The following SIPA1L3 variants were observed in gnomAD, a reference collection of about 807,000 sequenced individuals.
SIPA1L3 encodes the protein signal induced proliferation associated 1 like 3, also known as signal-induced proliferation-associated 1-like protein 3.
A neutral mutation model predicts 150.1 loss-of-function variants in SIPA1L3; 59 were observed. The ratio of observed to expected loss-of-function variants is 0.39; its 90% confidence interval spans 0.32 to 0.49. The LOEUF is 0.49. SIPA1L3 is among the 20% of genes least tolerant of loss of function. SIPA1L3 has a pLI of 0.86. For synonymous variants in SIPA1L3, 1,070 were observed against 1,077.6 expected (o/e 0.99, Z 0.14); for missense variants, 2,211 against 2,489.5 (o/e 0.89, Z 2.38).
intron 1 of SIPA1L3, among the ~76,000 whole-genome samples, chr19:38,021,066 G>T (rs1247704539): frequency 3.3e-5 from 5 of 152,162 alleles, no homozygotes; most frequent in African/African-American, 1.2e-4. Flanking sequence ...CTCCCAAAGT[G>T]CTGGGATTAC....
intron 16 of SIPA1L3, among the ~76,000 whole-genome samples, chr19:38,188,100 T>G (rs1370912863): frequency 6.6e-6 from 1 of 152,150 alleles, no homozygotes; most frequent in Admixed American, 6.5e-5. Flanking sequence ...TTGGAGACAG[T>G]GTCTTTGTTA....
chr19:38,194,786 C>G (rs1298363921), intron 18 of SIPA1L3, among the ~76,000 whole-genome samples: 7 of 152,192 alleles, frequency 4.6e-5, no homozygotes, highest in Non-Finnish European at 1.0e-4. Context: ...CGCGGTGGCT[C>G]ACGCCTGTAA....
intron 1 of SIPA1L3, among the ~76,000 whole-genome samples, chr19:37,926,114 G>C (rs1329066627): frequency 2.0e-5 from 3 of 151,424 alleles, no homozygotes; most frequent in Non-Finnish European, 4.4e-5. Context: ...GTTGAATATT[G>C]GCAATTTTAT....
intron 15 of SIPA1L3, among the ~76,000 whole-genome samples, chr19:38,181,459 T>G (rs1388746511): frequency 6.6e-6 from 1 of 151,544 alleles, no homozygotes. Context: ...TAGCGAGACC[T>G]TGTCTCTTTA....
chr19:38,000,626 A>G (rs1215184042), intron 1 of SIPA1L3, among the ~76,000 whole-genome samples: 1 of 145,378 alleles, frequency 6.9e-6, no homozygotes, highest in Non-Finnish European at 1.5e-5. Flanking sequence ...GAAAAATGTT[A>G]TTTTTCACTC....
intron 1 of SIPA1L3, among the ~76,000 whole-genome samples, chr19:37,975,746 G>A (rs1326538193): frequency 6.6e-6 from 1 of 152,188 alleles, no homozygotes; most frequent in South Asian, 2.1e-4. Context: ...GGGACTGCCA[G>A]ACACAGACTT....
intron 1 of SIPA1L3, among the ~76,000 whole-genome samples, chr19:37,937,741 CAAA>C (rs34881450): frequency 0.043 from 798 of 18,672 alleles, 32 homozygotes; most frequent in African/African-American, 0.098. Flanking sequence ...AACCCTGTCT[CAAA>C]AAAAAAAAAA....
Position 38,082,585 on chromosome 19 carries a change from C to A in SIPA1L3, c.1020C>A (p.Phe340Leu). Residue 340 changes from phenylalanine (F) to leucine (L), a missense_variant, in exon 3 of 22, where the codon TTC (phenylalanine) becomes TTA (leucine). Physicochemically the swap from Phe to Leu is conservative, Grantham distance 22. Around this residue, in one of 5 missense-constraint regions of SIPA1L3, gnomAD observed 587 missense variants for 534.5 expected, o/e 1.10. Transcript: ENST00000222345. ...ASRPWVCQKS[F>L]AHFDVQSMLF... ...GGCCGTGGGTGTGTCAGAAGAGCTTCGCCCACTTCGACGTGCAGAGCATGC... is the reference window on the plus strand; with the variant it reads ...GGCCGTGGGTGTGTCAGAAGAGCTTAGCCCACTTCGACGTGCAGAGCATGC... 1 of 1,604,240 alleles carries A rather than the reference C, an allele frequency of 6.2e-7. No individual in the cohort carries two copies.
chr19:38,166,681 C>G (rs556154873), intron 15 of SIPA1L3, among the ~76,000 whole-genome samples: 77 of 152,176 alleles, frequency 5.1e-4, no homozygotes, highest in African/African-American at 1.8e-3. Context: ...GTGTCCAGTG[C>G]CAGCCCCTGA....
intron 1 of SIPA1L3, among the ~76,000 whole-genome samples, chr19:38,003,413 G>A (rs760540646): frequency 1.3e-5 from 2 of 152,184 alleles, no homozygotes. Context: ...TCATTTTCTG[G>A]GTGCAAATGG....
intron 1 of SIPA1L3, among the ~76,000 whole-genome samples, chr19:38,025,242 A>C (rs1416316597): frequency 1.3e-5 from 2 of 152,188 alleles, no homozygotes; most frequent in East Asian, 3.9e-4. Flanking sequence ...ACATTATCTC[A>C]TGGGATTCTG....
At chr19:37,941,458 T>G (rs1157956656) in intron 1 of SIPA1L3, among the ~76,000 whole-genome samples, 11 of 149,132 alleles carry the variant, frequency 7.4e-5, no homozygotes, top group Middle Eastern at 6.8e-3. Flanking sequence ...GTGTGTTTTT[T>G]TTTTTTTTTT....
chr19:38,193,719 C>G lies in SIPA1L3; in HGVS notation c.4779C>G (p.Pro1593=). 6.4e-7 allele frequency: 1 copy of G among 1,568,068 alleles called. No homozygotes were observed. The highest frequency in any genetic ancestry group is 8.6e-7 in the Non-Finnish European group (1 of 1,165,526). The change falls in exon 18 of 22, where the codon CCC becomes CCG. Residue 1593 remains proline (P), a synonymous_variant. Coordinates refer to ENST00000222345, the MANE Select transcript of SIPA1L3 (RefSeq NM_015073.3). ...TLPARRQHQH[P]HPPVGPGATP... is the part of the protein sequence containing the mutation. Reference sequence around the variant, plus strand: ...CTGCACGCCGCCAGCACCAGCACCCCCACCCGCCCGTCGGCCCCGGTGCCA... The same window carrying G: ...CTGCACGCCGCCAGCACCAGCACCCGCACCCGCCCGTCGGCCCCGGTGCCA...
Position 38,130,709 on chromosome 19 carries a change from T to C in SIPA1L3, c.3080T>C (p.Leu1027Pro). The C allele has an allele frequency of 6.2e-7, 1 of 1,614,068 alleles. No individual in the cohort carries two copies. The highest frequency in any genetic ancestry group is 8.5e-7 in the Non-Finnish European group (1 of 1,179,970). Residue 1027 changes from leucine to proline, a missense_variant, in exon 10 of 22, where the codon CTG becomes CCG. By Grantham distance (98) the Leu-to-Pro change is moderately conservative. Transcript: ENST00000222345. ...TLTHDQMIDL[L>P]RTSVTVKVVI... ...ACCCACGACCAGATGATCGACCTGC[T>C]GCGCACCTCTGTCACTGTGAAGGTG...
intron 1 of SIPA1L3, among the ~76,000 whole-genome samples, chr19:38,006,646 G>A (rs974150014): frequency 4.6e-5 from 7 of 152,218 alleles, no homozygotes; most frequent in Admixed American, 2.0e-4. Context: ...CAAGGCGTGC[G>A]CACATGCTGT....
intron 1 of SIPA1L3, among the ~76,000 whole-genome samples, chr19:38,006,888 G>A (rs1281294409): frequency 6.6e-6 from 1 of 152,224 alleles, no homozygotes; most frequent in East Asian, 1.9e-4. Flanking sequence ...AGCAGAAAAG[G>A]GGAAATGGCT....
At chr19:37,965,163 T>C (rs1419585319) in intron 1 of SIPA1L3, among the ~76,000 whole-genome samples, 2 of 152,176 alleles carry the variant, frequency 1.3e-5, no homozygotes, top group Non-Finnish European at 2.9e-5. Flanking sequence ...GGCAAGGGGT[T>C]CTATATGAAC....
At chr19:38,135,536 G>A (rs4803802) in intron 10 of SIPA1L3, among the ~76,000 whole-genome samples, 39,745 of 152,068 alleles carry the variant, frequency 0.26, 7,364 homozygotes, top group African/African-American at 0.53. Flanking sequence ...GCCAGCTTGC[G>A]CATCGCATGA....
At chr19:37,922,133 G>A (rs77497008) in intron 1 of SIPA1L3, among the ~76,000 whole-genome samples, 8,231 of 151,866 alleles carry the variant, frequency 0.054, 260 homozygotes, top group East Asian at 0.11. Flanking sequence ...CACCCAGGCC[G>A]GAGTGAACTG....
Sources: allele counts gnomAD v4.1 joint callset (sites outside exome capture counted in the v4.1 genomes callset), GRCh38; gene constraint gnomAD v4.1.1; regional missense constraint gnomAD v4.1.1; transcripts MANE v1.5; gene names NCBI Gene and HGNC (gene_info 2026-07-23, HGNC 2026-07-21).